Variants in NELL1 observed in about 807,000 individuals in gnomAD.
NELL1 encodes neural EGFL like 1.
Under a neutral mutation model 107.4 loss-of-function variants are expected in NELL1, and 76 were observed. The ratio of observed to expected loss-of-function variants is 0.71; its 90% CI spans 0.59 to 0.86. The LOEUF is 0.86. NELL1 is among the 40% of genes least tolerant of loss of function. The pLI is 0.00. For missense variants in NELL1, 1,024 were observed against 1,005.5 expected (o/e 1.02, Z -0.25); for synonymous variants, 353 against 341.2 (o/e 1.03, Z -0.38).
intron 2 of NELL1, among the ~76,000 whole-genome samples, chr11:20,730,706 A>G (rs1157767397): frequency 1.3e-5 from 2 of 152,160 alleles, no homozygotes; most frequent in Non-Finnish European, 2.9e-5. Flanking sequence ...TCAGGGTGAA[A>G]GCCAGCAAGG....
At chr11:21,404,303 G>T (rs1487510605) in intron 15 of NELL1, among the ~76,000 whole-genome samples, 1 of 151,868 alleles carries the variant, frequency 6.6e-6, no homozygotes, top group South Asian at 2.1e-4. Context: ...AAATGAACTG[G>T]CTGAGTGATT....
At chr11:20,916,434 A>T (rs1380843133) in intron 5 of NELL1, among the ~76,000 whole-genome samples, 1 of 151,980 alleles carries the variant, frequency 6.6e-6, no homozygotes, top group Non-Finnish European at 1.5e-5. Context: ...GATTAGCGGG[A>T]TGGGGTATTA....
intron 2 of NELL1, among the ~76,000 whole-genome samples, chr11:20,706,366 T>C (rs1173792106): frequency 6.6e-6 from 1 of 151,980 alleles, no homozygotes; most frequent in Non-Finnish European, 1.5e-5. Flanking sequence ...ATGTCCTTTG[T>C]AGGGACATGG....
chr11:21,306,159 T>C (rs1849600482), intron 14 of NELL1, among the ~76,000 whole-genome samples: 1 of 151,986 alleles, frequency 6.6e-6, no homozygotes, highest in Non-Finnish European at 1.5e-5. Flanking sequence ...GTGTTTTTCA[T>C]TTGGATATCA....
intron 2 of NELL1, among the ~76,000 whole-genome samples, chr11:20,688,164 C>G (rs1004438356): frequency 6.6e-6 from 1 of 151,724 alleles, no homozygotes; most frequent in African/African-American, 2.4e-5. Flanking sequence ...GTTATAGAGG[C>G]TACTATGAGA....
intron 15 of NELL1, among the ~76,000 whole-genome samples, chr11:21,391,842 T>C (rs188859476): frequency 2.2e-3 from 337 of 151,926 alleles, no homozygotes; most frequent in African/African-American, 7.8e-3. Context: ...CTTGGTTATC[T>C]GCTGATTTTT....
chr11:20,926,858 T>A (rs1009781108), intron 7 of NELL1, among the ~76,000 whole-genome samples: 13 of 152,294 alleles, frequency 8.5e-5, no homozygotes, highest in African/African-American at 3.1e-4. Flanking sequence ...GGCAGTGACT[T>A]CCTAGTTTGT....
At chr11:20,678,543 A>T (rs1003462954) in intron 2 of NELL1, among the ~76,000 whole-genome samples, 2 of 152,156 alleles carry the variant, frequency 1.3e-5, no homozygotes, top group African/African-American at 4.8e-5. Flanking sequence ...ATCATTCAGC[A>T]AGCATTTATA....
chr11:21,066,049 T>C (rs1853860445), intron 12 of NELL1, among the ~76,000 whole-genome samples: 1 of 152,244 alleles, frequency 6.6e-6, no homozygotes, highest in South Asian at 2.1e-4. Flanking sequence ...AGTTTCACTT[T>C]TAAATGAATA....
chr11:21,509,778 A>G (rs993138430), intron 15 of NELL1, among the ~76,000 whole-genome samples: 4 of 152,172 alleles, frequency 2.6e-5, no homozygotes, highest in African/African-American at 9.7e-5. Context: ...ATTTAACTAG[A>G]TGACAGATAT....
intron 3 of NELL1, among the ~76,000 whole-genome samples, chr11:20,794,083 C>T (rs890008558): frequency 2.6e-5 from 4 of 152,110 alleles, no homozygotes; most frequent in Non-Finnish European, 5.9e-5. Context: ...ATGTAAGCAT[C>T]GTAGGTATTG....
At chr11:21,408,843 C>T (rs1373102361) in intron 15 of NELL1, among the ~76,000 whole-genome samples, 1 of 151,670 alleles carries the variant, frequency 6.6e-6, no homozygotes, top group South Asian at 2.1e-4. Flanking sequence ...CTCACCATCA[C>T]TGGCCATCAG....
intron 14 of NELL1, among the ~76,000 whole-genome samples, chr11:21,369,899 T>C (rs1161008376): frequency 1.3e-5 from 2 of 152,086 alleles, no homozygotes; most frequent in Non-Finnish European, 2.9e-5. Context: ...ACCTGTAAAA[T>C]GTAGATTAAT....
chr11:21,360,807 A>G (rs1851059239), intron 14 of NELL1, among the ~76,000 whole-genome samples: 1 of 152,086 alleles, frequency 6.6e-6, no homozygotes, highest in East Asian at 1.9e-4. Flanking sequence ...TTTGGTGTCC[A>G]TTTGCACAGA....
intron 10 of NELL1, among the ~76,000 whole-genome samples, chr11:20,941,489 G>T (rs1448878077): frequency 6.6e-6 from 1 of 152,126 alleles, no homozygotes; most frequent in Non-Finnish European, 1.5e-5. Context: ...GTAAGAGCTG[G>T]GTTGGAGAAC....
chr11:20,720,317 C>T (rs1855351194), intron 2 of NELL1, among the ~76,000 whole-genome samples: 1 of 151,796 alleles, frequency 6.6e-6, no homozygotes, highest in Admixed American at 6.6e-5. Context: ...AAGCGATTCT[C>T]CTGCCTCAGC....
intron 13 of NELL1, among the ~76,000 whole-genome samples, chr11:21,123,334 C>CGTGTGTGTGT (rs142012176): frequency 1.2e-4 from 16 of 132,480 alleles, no homozygotes; most frequent in African/African-American, 3.4e-4. Context: ...TGTGTGCCTG[C>CGTGTGTGTGT]GTGTGTGTGT....
chr11:21,193,075 T>C (rs1159537704), intron 13 of NELL1, among the ~76,000 whole-genome samples: 1 of 151,880 alleles, frequency 6.6e-6, no homozygotes, highest in East Asian at 1.9e-4. Flanking sequence ...TTTTGTTATT[T>C]CTCCTATTCT....
chr11:21,040,618 G>A (rs980591637), intron 12 of NELL1, among the ~76,000 whole-genome samples: 3 of 152,072 alleles, frequency 2.0e-5, no homozygotes, highest in African/African-American at 7.2e-5. Flanking sequence ...TTGGACACTG[G>A]ATTTTCTCCA....
Sources: gnomAD v4.1 joint callset for allele counts (sites outside exome capture counted in the v4.1 genomes callset) on GRCh38, gnomAD v4.1.1 for gene constraint, MANE v1.5 for transcripts, NCBI Gene and HGNC (gene_info 2026-07-23, HGNC 2026-07-21) for gene names.